Variants in GPR143 observed in about 807,000 individuals in gnomAD.
GPR143 encodes G protein-coupled receptor 143.
GPR143 carries 8 observed loss-of-function variants against 27.6 expected under a neutral mutation model. That is an observed-to-expected ratio of 0.29 (90% CI 0.17 to 0.52). The LOEUF (loss-of-function observed/expected upper bound fraction) is 0.52, where lower values mean the gene tolerates loss of function less well. Ranked by LOEUF, GPR143 falls within the 20% of genes least tolerant of loss-of-function variation. The probability of loss-of-function intolerance (pLI) is 0.96; values close to 1 mark genes in which losing one functional copy is unlikely to be tolerated. For missense variants in GPR143, 303 were observed against 343.1 expected, an observed-to-expected ratio of 0.88 and a Z score of 0.92; for synonymous variants, 156 against 153.2, an observed-to-expected ratio of 1.02 and a Z score of -0.13.
intron 8 of GPR143, chrX:9,738,471 A>T: frequency 1.4e-6 from 1 of 728,011 alleles, no homozygotes; most frequent in Non-Finnish European, 1.6e-6. Context: ...TTCAGCCAGA[A>T]CTATCTCTTT....
intron 7 of GPR143, chrX:9,740,995 T>C (rs2083401190): frequency 3.4e-6 from 1 of 298,367 alleles, no homozygotes; most frequent in Admixed American, 5.9e-5. Flanking sequence ...GCTAGCACAC[T>C]AAGGCCAGGA....
chrX:9,753,410 G>GA (rs5901416), intron 3 of GPR143, among the ~76,000 whole-genome samples: 2,061 of 72,788 alleles, frequency 0.028, 21 homozygotes, highest in Middle Eastern at 0.052. Flanking sequence ...AACAGAATCT[G>GA]AAAAAAAAAA....
intron 3 of GPR143, 69 bp from the exon 4 acceptor site, chrX:9,748,735 A>G: frequency 1.4e-6 from 1 of 716,340 alleles, no homozygotes; most frequent in Non-Finnish European, 2.2e-6. Context: ...CTGCCAGGCC[A>G]GCTCCTGCGC....
intron 1 of GPR143, among the ~76,000 whole-genome samples, chrX:9,772,546 G>C (rs188412267): frequency 1.8e-5 from 2 of 111,439 alleles, no homozygotes; most frequent in Non-Finnish European, 3.8e-5. Context: ...AACTGACCTG[G>C]GCGCAGTGGC....
At chrX:9,726,077 G>T in intron 8 of GPR143, 1 of 566,455 alleles carries the variant, frequency 1.8e-6, no homozygotes, top group Non-Finnish European at 2.1e-6. Flanking sequence ...GATGACACAA[G>T]CCCTACAGAA....
intron 8 of GPR143, among the ~76,000 whole-genome samples, chrX:9,731,360 C>G (rs2083352192): frequency 1.1e-5 from 1 of 91,310 alleles, no homozygotes; most frequent in African/African-American, 5.1e-5. Context: ...CAGAGCAAGA[C>G]TCTGTCTCAA....
chrX:9,765,524 A>G (rs1167591826), intron 1 of GPR143, 44 bp downstream of exon 1: 1 of 1,056,083 alleles, frequency 9.5e-7, no homozygotes, highest in Non-Finnish European at 1.2e-6. Flanking sequence ...GCCCTCACCC[A>G]GGCGCTGATC....
At chrX:9,727,286 C>CT (rs745481086) in intron 8 of GPR143, among the ~76,000 whole-genome samples, 1 of 113,699 alleles carries the variant, frequency 8.8e-6, no homozygotes, top group South Asian at 3.5e-4. Flanking sequence ...ATTAGGGAAA[C>CT]TTTCCCACCT....
At chrX:9,746,291 A>G in intron 4 of GPR143, 138 bp from the exon 5 acceptor site, 1 of 503,447 alleles carries the variant, frequency 2.0e-6, no homozygotes. Flanking sequence ...CCCAAAGGAA[A>G]TGTGAGTCAT....
At chrX:9,760,912 AATAG>A (rs771397734) in intron 1 of GPR143, 86 bp from the exon 2 acceptor site, 9 of 522,824 alleles carry the variant, frequency 1.7e-5, no homozygotes, top group Non-Finnish European at 2.7e-5. Context: ...ATAGATACAT[AATAG>A]ATAGAGATAG....
At chrX:9,771,858 G>A (rs1323111564) in intron 1 of GPR143, among the ~76,000 whole-genome samples, 2 of 109,282 alleles carry the variant, frequency 1.8e-5, no homozygotes, top group Non-Finnish European at 1.9e-5. Flanking sequence ...TTACAGATGC[G>A]TGCCACCACC....
chrX:9,735,067 C>A (rs945706547), intron 8 of GPR143, among the ~76,000 whole-genome samples: 3 of 112,563 alleles, frequency 2.7e-5, no homozygotes. Flanking sequence ...GGTGACGGGG[C>A]GTGGAACCGA....
chrX:9,775,543 G>C (rs767569967), intron 1 of GPR143, among the ~76,000 whole-genome samples: 5 of 111,906 alleles, frequency 4.5e-5, no homozygotes, highest in Non-Finnish European at 9.4e-5. Flanking sequence ...AATGCATGAG[G>C]CACCAGCAGA....
In GPR143 at chrX:9,765,656, G is replaced by A. The variant is rs1175455167; in HGVS notation, c.162C>T (p.Pro54=). The part of the protein sequence containing the change: ...GLLQLLPGRR[P]AGPGSPATSP... ...ACGTCGCGGGGGACCCGGGGCCCGC[G>A]GGCCGGCGGCCGGGCAGCAGCTGCA... The change falls in exon 1 of 9, where the codon CCC becomes CCT. Residue 54 remains proline, a synonymous_variant. Transcript: ENST00000467482. 2.6e-5 allele frequency: 26 copies of A among 988,033 alleles called. No individual in the cohort carries two copies. Among genetic ancestry groups the A allele is most frequent in the Admixed American group, 5.6e-5 (1 of 17,960 alleles). 81.4% of individuals were successfully genotyped at this position (988,033 alleles called of 1,213,427 possible).
chrX:9,728,586 C>A (rs1185047412), intron 8 of GPR143, among the ~76,000 whole-genome samples: 1 of 84,266 alleles, frequency 1.2e-5, no homozygotes, highest in Non-Finnish European at 2.2e-5. Flanking sequence ...GAGACCGAGT[C>A]AGGAGGAGTG....
intron 3 of GPR143, among the ~76,000 whole-genome samples, chrX:9,755,655 GA>G (rs1469707687): frequency 6.3e-5 from 7 of 110,816 alleles, no homozygotes; most frequent in Non-Finnish European, 1.3e-4. Flanking sequence ...GTGATGACTG[GA>G]GCACCAGCAG....
intron 2 of GPR143, 95 bp from the exon 3 acceptor site, chrX:9,759,521 T>C (rs918388063): frequency 1.0e-5 from 6 of 593,625 alleles, no homozygotes; most frequent in African/African-American, 6.7e-5. Context: ...TGGCTTCCTC[T>C]GACGTCAGGA....
chrX:9,725,993 A>C (rs2083324822), intron 8 of GPR143, 153 bp from the exon 9 acceptor site: 1 of 727,329 alleles, frequency 1.4e-6, no homozygotes, highest in Non-Finnish European at 1.6e-6. Flanking sequence ...AAAAAAAAAA[A>C]AAAAAAAAAA....
At chrX:9,745,589 A>G (rs1323307467) in intron 5 of GPR143, among the ~76,000 whole-genome samples, 1 of 111,596 alleles carries the variant, frequency 9.0e-6, no homozygotes, top group Non-Finnish European at 1.9e-5. Context: ...CTAACCATTG[A>G]CCTTGACTCA....
Sources: allele counts gnomAD v4.1 joint callset (sites outside exome capture counted in the v4.1 genomes callset), GRCh38; gene constraint gnomAD v4.1.1; transcripts MANE v1.5; gene names NCBI Gene and HGNC (gene_info 2026-07-23, HGNC 2026-07-21).